WDR27: variants seen among roughly 807,000 people sequenced by gnomAD.
WDR27 encodes WD repeat-containing protein 27.
A neutral mutation model predicts 114.4 loss-of-function variants in WDR27; 100 were observed. That is an observed-to-expected ratio of 0.87 (90% confidence interval 0.74 to 1.03). The LOEUF is 1.03. Ranked by LOEUF, WDR27 falls within the 50% of genes least tolerant of loss-of-function variation. The probability of loss-of-function intolerance (pLI) is 0.00; values close to 1 mark genes in which losing one functional copy is unlikely to be tolerated. For synonymous variants in WDR27, 449 were observed against 423.1 expected, an observed-to-expected ratio of 1.06 and a Z score of -0.75; for missense variants, 1,129 against 1,092.9, an observed-to-expected ratio of 1.03 and a Z score of -0.47.
intron 25 of WDR27, among the ~76,000 whole-genome samples, chr6:169,472,060 G>T (rs1786478616): frequency 6.6e-6 from 1 of 152,034 alleles, no homozygotes; most frequent in Non-Finnish European, 1.5e-5. Flanking sequence ...GAAATTTGAG[G>T]GGACACCATC....
chr6:169,490,841 T>C (rs976659165), intron 25 of WDR27, among the ~76,000 whole-genome samples: 32 of 152,164 alleles, frequency 2.1e-4, no homozygotes, highest in African/African-American at 7.2e-4. Flanking sequence ...TTTCATGGCC[T>C]AGAAATCTCC....
intron 25 of WDR27, among the ~76,000 whole-genome samples, chr6:169,527,084 G>A (rs763177032): frequency 2.6e-5 from 4 of 152,192 alleles, no homozygotes; most frequent in Non-Finnish European, 4.4e-5. Context: ...TAAAGGTTTA[G>A]CAATTCTTCC....
chr6:169,567,674 G>A (rs1409263466), intron 25 of WDR27, among the ~76,000 whole-genome samples: 1 of 152,080 alleles, frequency 6.6e-6, no homozygotes, highest in Non-Finnish European at 1.5e-5. Context: ...CAATAAAACT[G>A]TACTGCCGGG....
intron 25 of WDR27, among the ~76,000 whole-genome samples, chr6:169,484,335 T>A (rs1008137045): frequency 6.6e-6 from 1 of 152,188 alleles, no homozygotes; most frequent in Non-Finnish European, 1.5e-5. Context: ...AGTTTCAGAA[T>A]ACAAAATCAA....
chr6:169,479,098 GA>G (rs1189903534), intron 25 of WDR27, among the ~76,000 whole-genome samples: 3 of 152,100 alleles, frequency 2.0e-5, no homozygotes, highest in African/African-American at 7.2e-5. Context: ...TACAGCAAAA[GA>G]AACTCTCAAC....
rs77451257 is a variant in WDR27 at position 169,582,954 on chromosome 6, G to C, written c.2425-20C>G. 1.1e-3 allele frequency: 1,730 copies of C among 1,610,006 alleles called. 21 individuals carry two copies. The African/African-American group carries it at 0.02, about 19-fold the overall frequency. ...GTAAGCCTACAAGACAAGATGAGCA[G>C]GTGTGCCATGTTAACTCAGAGTCAG... On this transcript the variant is annotated intron_variant, in intron 23 of 25. Transcript: ENST00000448612.
intron 14 of WDR27, among the ~76,000 whole-genome samples, chr6:169,651,178 C>CG (rs200606067): frequency 0.12 from 389 of 3,270 alleles, 10 homozygotes; most frequent in Non-Finnish European, 0.15. Context: ...CACAGCAGTG[C>CG]GGGGCGGGGG....
chr6:169,490,301 C>A (rs1163410648), intron 25 of WDR27, among the ~76,000 whole-genome samples: 1 of 152,218 alleles, frequency 6.6e-6, no homozygotes, highest in African/African-American at 2.4e-5. Flanking sequence ...CTGCTTCTCA[C>A]GTGTGGAGGA....
intron 2 of WDR27, among the ~76,000 whole-genome samples, chr6:169,682,128 C>A (rs1245795925): frequency 6.6e-6 from 1 of 152,222 alleles, no homozygotes; most frequent in Non-Finnish European, 1.5e-5. Context: ...GCCCATCCTG[C>A]TGCAGTTGGG....
intron 22 of WDR27, among the ~76,000 whole-genome samples, chr6:169,604,932 T>C (rs1200025846): frequency 1.3e-5 from 2 of 151,712 alleles, no homozygotes; most frequent in African/African-American, 4.8e-5. Flanking sequence ...AAACTAAGCA[T>C]TGAAGGAACA....
rs1815212188 is a variant in WDR27, at chr6:169,627,652, T to G, written c.2223+5295A>C. On this transcript the variant is annotated intron_variant, in intron 21 of 25. Coordinates refer to ENST00000448612, the MANE Select transcript of WDR27 (RefSeq NM_182552.5). ...TGTGCACGGGGAGCCTCCACATTGC[T>G]CAGGCAGGTGCAGCCACAGCATGGG... 2.0e-5 allele frequency among the ~76,000 whole-genome samples: 3 copies of G among 152,284 alleles called. No individual in the cohort carries two copies. The East Asian group carries it at 5.8e-4, about 29-fold the overall frequency.
At chr6:169,614,160 G>C (rs1811274848) in intron 21 of WDR27, among the ~76,000 whole-genome samples, 1 of 152,126 alleles carries the variant, frequency 6.6e-6, no homozygotes, top group Admixed American at 6.5e-5. Flanking sequence ...TCCCTGTGCT[G>C]CTATCAGAAG....
chr6:169,679,914 A>T (rs1051267815), intron 2 of WDR27, among the ~76,000 whole-genome samples: 1 of 152,238 alleles, frequency 6.6e-6, no homozygotes, highest in South Asian at 2.1e-4. Flanking sequence ...GAAGTTTTAA[A>T]GGCAGCCAGA....
chr6:169,550,397 T>C (rs1474669666), intron 25 of WDR27, among the ~76,000 whole-genome samples: 1 of 152,088 alleles, frequency 6.6e-6, no homozygotes, highest in East Asian at 1.9e-4. Context: ...GTTATTTTTA[T>C]TGTTATTGTA....
chr6:169,538,770 A>G (rs961792988), intron 25 of WDR27, among the ~76,000 whole-genome samples: 3 of 151,810 alleles, frequency 2.0e-5, no homozygotes, highest in Middle Eastern at 3.4e-3. Context: ...GCATGTATAT[A>G]TACAAACACT....
At position 169,665,526 on chromosome 6, in the gene WDR27, G is replaced by T. The variant is rs1562872416; in HGVS notation, c.743C>A (p.Ala248Glu). The T allele has an allele frequency of 1.9e-6, 3 of 1,613,714 alleles. No homozygotes were observed. Among genetic ancestry groups the T allele is most frequent in the Non-Finnish European group, 2.5e-6 (3 of 1,179,730 alleles). The change falls in exon 7 of 26, where the codon GCA (alanine) becomes GAA (glutamate). Residue 248 changes from alanine to glutamate, a missense_variant. By Grantham distance (107) the Ala-to-Glu change is moderately radical. Transcript: ENST00000448612. Reference protein sequence around the residue: ...AYPLLSLFIDAESRQLVTGCA... With the variant: ...AYPLLSLFIDEESRQLVTGCA... ...CCCGGTGACCAGCTGCCTGCTTTCTGCATCAATGAATAAACTGAGAAGAGG... is the reference window on the plus strand; with the variant it reads ...CCCGGTGACCAGCTGCCTGCTTTCTTCATCAATGAATAAACTGAGAAGAGG...
chr6:169,658,335 G>A lies in WDR27; in HGVS notation c.1343C>T (p.Pro448Leu), dbSNP rs1274554358. Reference sequence around the variant, plus strand: ...CTCCTTGGCAATTCCCAGATACAGTGGAGAGGTCGGTAGGACACAGGAGCT... The same window carrying A: ...CTCCTTGGCAATTCCCAGATACAGTAGAGAGGTCGGTAGGACACAGGAGCT... ...PASSCVLPTS[P>L]LYLGIAKEKS... The change falls in exon 13 of 26, where the codon CCA becomes CTA. Residue 448 changes from proline to leucine, a missense_variant. By Grantham distance (98) the Pro-to-Leu change is moderately conservative (BLOSUM62 -3). Transcript: ENST00000448612. 6.2e-7 allele frequency: 1 copy of A among 1,600,594 alleles called. No homozygotes were observed. Among genetic ancestry groups the A allele is most frequent in the South Asian group, 1.1e-5 (1 of 87,836 alleles).
At chr6:169,681,111 T>G (rs1251908540) in intron 2 of WDR27, among the ~76,000 whole-genome samples, 1 of 152,220 alleles carries the variant, frequency 6.6e-6, no homozygotes, top group East Asian at 1.9e-4. Context: ...TTACTTGCAA[T>G]AGTCAAAAAC....
chr6:169,678,517 G>C (rs2128309932), intron 2 of WDR27, among the ~76,000 whole-genome samples: 1 of 152,302 alleles, frequency 6.6e-6, no homozygotes, highest in East Asian at 1.9e-4. Context: ...GAAGGAACTT[G>C]CCTTGTCTCA....
Sources: gnomAD v4.1 joint callset for allele counts (sites outside exome capture counted in the v4.1 genomes callset) on GRCh38, gnomAD v4.1.1 for gene constraint, MANE v1.5 for transcripts, NCBI Gene and HGNC (gene_info 2026-07-23, HGNC 2026-07-21) for gene names.